Variants in ACTN1 observed in about 807,000 individuals in gnomAD.
ACTN1 encodes alpha-actinin-1.
Under a neutral mutation model 119.6 loss-of-function variants are expected in ACTN1, and 30 were observed. That is an observed-to-expected ratio of 0.25 (90% CI 0.19 to 0.34). ACTN1 has a LOEUF of 0.34. ACTN1 is among the 10% of genes least tolerant of loss of function. The pLI is 1.00. For synonymous variants in ACTN1, 429 were observed against 472.6 expected, an observed-to-expected ratio of 0.91 and a Z score of 1.20; for missense variants, 764 against 1,223.4, an observed-to-expected ratio of 0.62 and a Z score of 5.60.
At chr14:68,958,054 C>G (rs569544786) in intron 1 of ACTN1, among the ~76,000 whole-genome samples, 3 of 152,166 alleles carry the variant, frequency 2.0e-5, no homozygotes, top group Non-Finnish European at 2.9e-5. Context: ...CGCATCAGCC[C>G]GGGGTCCCGA....
intron 1 of ACTN1, among the ~76,000 whole-genome samples, chr14:68,956,416 C>T (rs1385229461): frequency 6.6e-6 from 1 of 152,188 alleles, no homozygotes; most frequent in Non-Finnish European, 1.5e-5. Flanking sequence ...GATAATCCTT[C>T]ATAGGGTTAT....
intron 1 of ACTN1, chr14:68,947,300 G>C (rs995219491): frequency 1.3e-5 from 2 of 152,180 alleles, no homozygotes; most frequent in Admixed American, 6.5e-5. Context: ...GGAGAAGAAT[G>C]GTTCGCTAAA....
At chr14:68,971,642 G>A (rs1473727609) in intron 1 of ACTN1, among the ~76,000 whole-genome samples, 2 of 152,150 alleles carry the variant, frequency 1.3e-5, no homozygotes, top group African/African-American at 2.4e-5. Context: ...TGTTGTCAAC[G>A]TTAAATGAAG....
intron 1 of ACTN1, among the ~76,000 whole-genome samples, chr14:68,972,094 GTTTA>G (rs1004663932): frequency 2.0e-5 from 3 of 152,160 alleles, no homozygotes; most frequent in African/African-American, 7.2e-5. Flanking sequence ...GGCCAAGAGG[GTTTA>G]TAGACAGAGG....
At chr14:68,977,741 T>C (rs2037108225) in intron 1 of ACTN1, 1 of 318,272 alleles carries the variant, frequency 3.1e-6, no homozygotes, top group South Asian at 2.4e-5. Context: ...TTTTTGGACA[T>C]GAGCGTTCTC....
intron 3 of ACTN1, among the ~76,000 whole-genome samples, chr14:68,914,909 T>G (rs767981808): frequency 5.3e-5 from 8 of 152,160 alleles, no homozygotes; most frequent in Non-Finnish European, 8.8e-5. Flanking sequence ...ATTAATCAAT[T>G]AATCTGGGAA....
chr14:68,923,768 G>C (rs1177127839), intron 2 of ACTN1, among the ~76,000 whole-genome samples: 1 of 152,120 alleles, frequency 6.6e-6, no homozygotes, highest in Non-Finnish European at 1.5e-5. Context: ...TACAAAAAAA[G>C]AACTGAAAGA....
At chr14:68,901,677 G>A (rs2033345683) in intron 8 of ACTN1, among the ~76,000 whole-genome samples, 1 of 152,236 alleles carries the variant, frequency 6.6e-6, no homozygotes, top group African/African-American at 2.4e-5. Flanking sequence ...GAGGTCTGGG[G>A]GAGGGGTGTA....
rs544690391 is a variant in ACTN1 at position 68,932,015 on chromosome 14, G to A, written c.106-6343C>T. 2.0e-5 allele frequency among the ~76,000 whole-genome samples: 3 copies of A among 151,906 alleles called. No individual in the cohort carries two copies. The East Asian group carries it at 5.8e-4, about 29-fold the overall frequency. On this transcript the variant is annotated intron_variant, in intron 1 of 21. Coordinates refer to ENST00000394419, the MANE Select transcript of ACTN1 (RefSeq NM_001130004.2). ...GTTTAGAGGATTTTTTTTTCAGCCT[G>A]CCAAGTAGCTGGGACTCAAGGTGCA...
At chr14:68,922,623 G>T (rs1331316425) in intron 2 of ACTN1, among the ~76,000 whole-genome samples, 1 of 152,138 alleles carries the variant, frequency 6.6e-6, no homozygotes, top group Non-Finnish European at 1.5e-5. Flanking sequence ...GGCTGGAAGG[G>T]GGCTTCTGCA....
intron 4 of ACTN1, among the ~76,000 whole-genome samples, chr14:68,911,613 G>T (rs1435557483): frequency 6.6e-6 from 1 of 152,216 alleles, no homozygotes; most frequent in African/African-American, 2.4e-5. Flanking sequence ...GTTTGTTTCA[G>T]TATGTGTGTT....
At chr14:68,973,752 A>T in intron 1 of ACTN1, 1 of 152,204 alleles carries the variant, frequency 6.6e-6, no homozygotes, top group East Asian at 1.9e-4. Flanking sequence ...AGTACTTAGG[A>T]GGCCACTGGC....
At chr14:68,916,850 C>G (rs1012869126) in intron 3 of ACTN1, among the ~76,000 whole-genome samples, 3 of 152,196 alleles carry the variant, frequency 2.0e-5, no homozygotes, top group Admixed American at 2.0e-4. Context: ...CCCTCCTTCT[C>G]TCTCCAGGGA....
Position 68,874,691 on chromosome 14 carries a change from A to T in ACTN1, c.*168T>A. On this transcript the variant is annotated 3_prime_UTR_variant, in exon 22 of 22. Coordinates refer to ENST00000394419, the MANE Select transcript of ACTN1 (RefSeq NM_001130004.2). ...CTTTTTTTTCTTTTTTGCAGAAAAT[A>T]ATTTTGTAAACTGTCACTTCGCGGG... The T allele has an allele frequency of 1.8e-6, 1 of 569,414 alleles. No individual in the cohort carries two copies. Among genetic ancestry groups the T allele is most frequent in the Middle Eastern group, 5.2e-4 (1 of 1,924 alleles). 35.3% of individuals were successfully genotyped at this position (569,414 alleles called of 1,614,324 possible).
chr14:68,904,735 T>A lies in ACTN1; in HGVS notation c.596A>T (p.Asp199Val). The A allele has an allele frequency of 6.2e-7, 1 of 1,612,670 alleles. No homozygotes were observed. Among genetic ancestry groups the A allele is most frequent in the South Asian group, 1.1e-5 (1 of 91,016 alleles). ...ELIDYGKLRKDDPLTNLNTAF... is the reference protein window; with the variant it reads ...ELIDYGKLRKVDPLTNLNTAF... ...CGTATTCAGATTTGTGAGTGGATCA[T>A]CCTAGAGGGAGAAAAGGAGGAAGGG... is the stretch of plus-strand genomic sequence containing the variant. Residue 199 changes from aspartate (D) to valine (V), a missense_variant and splice_region_variant, in exon 7 of 22, where the codon GAT (aspartate) becomes GTT (valine). Around this residue, in one of 4 missense-constraint regions of ACTN1, gnomAD observed 544 missense variants for 912.0 expected, o/e 0.60. Transcript: ENST00000394419.
In ACTN1 at chr14:68,882,137, T is replaced by C. The variant is rs944897657; in HGVS notation, c.1953+321A>G. Among the ~76,000 whole-genome samples the C allele has an allele frequency of 7.2e-5, 11 of 152,104 alleles. No homozygotes were observed. The highest frequency in any genetic ancestry group is 1.2e-4 in the African/African-American group (5 of 41,478). ...TTTTAGTAGAGACGGGGTTTCACCA[T>C]GTTGGCCAGGCTGGTCTCGAACTCC... is the stretch of plus-strand genomic sequence containing the variant. On this transcript the variant is annotated intron_variant, in intron 16 of 21. Coordinates refer to ENST00000394419, the MANE Select transcript of ACTN1 (RefSeq NM_001130004.2). The surrounding 1 kb of genome is among the most constrained non-coding windows in gnomAD (Gnocchi z 4.5).
chr14:68,921,348 A>C (rs1454928256), intron 2 of ACTN1: 1 of 472,438 alleles, frequency 2.1e-6, no homozygotes, highest in Non-Finnish European at 3.6e-6. Context: ...TCTGCTTCTC[A>C]GGTCGAAATC....
chr14:68,887,792 G>C, intron 11 of ACTN1: 1 of 996,378 alleles, frequency 1.0e-6, no homozygotes, highest in South Asian at 1.3e-5. Flanking sequence ...GTATTAATCA[G>C]ACTCGGCTTC....
At chr14:68,921,168 G>A (rs957732811) in intron 2 of ACTN1, 43 bp from the exon 3 acceptor site, 6 of 1,609,310 alleles carry the variant, frequency 3.7e-6, no homozygotes, top group East Asian at 2.2e-5. Flanking sequence ...GAGACGCTAT[G>A]AGCCAGGGGC....
Sources: gnomAD v4.1 joint callset for allele counts (sites outside exome capture counted in the v4.1 genomes callset) on GRCh38, gnomAD v4.1.1 for gene constraint, gnomAD v4.1.1 regional missense constraint, Gnocchi (gnomAD v3.1) non-coding constraint, MANE v1.5 for transcripts, NCBI Gene and HGNC (gene_info 2026-07-23, HGNC 2026-07-21) for gene names.